The following PTPRM variants were observed in gnomAD, a reference collection of about 807,000 sequenced individuals.
PTPRM encodes the protein protein tyrosine phosphatase receptor type M.
A neutral mutation model predicts 186.7 loss-of-function variants in PTPRM; 47 were observed. The observed-to-expected ratio is 0.25, with a 90% confidence interval of 0.20 to 0.32. PTPRM has a LOEUF of 0.32. Ranked by LOEUF, PTPRM falls within the 10% of genes least tolerant of loss-of-function variation. PTPRM has a pLI of 1.00. For synonymous variants in PTPRM, 668 were observed against 674.9 expected (o/e 0.99, Z 0.16); for missense variants, 1,494 against 1,865.0 (o/e 0.80, Z 3.66).
chr18:8,004,381 A>G (rs1395682196), intron 7 of PTPRM, among the ~76,000 whole-genome samples: 1 of 152,034 alleles, frequency 6.6e-6, no homozygotes, highest in Non-Finnish European at 1.5e-5. Context: ...GCGTAGAAAA[A>G]TTACTCAGGC....
chr18:8,253,045 A>G (rs1167173853), intron 18 of PTPRM, among the ~76,000 whole-genome samples, 182 bp from the exon 19 acceptor site: 3 of 152,200 alleles, frequency 2.0e-5, no homozygotes, highest in African/African-American at 7.2e-5. Context: ...GCGCATTCTT[A>G]TCAGTATTGC....
At chr18:8,030,513 G>A (rs529543027) in intron 7 of PTPRM, among the ~76,000 whole-genome samples, 19 of 152,300 alleles carry the variant, frequency 1.2e-4, no homozygotes, top group African/African-American at 2.2e-4. Flanking sequence ...TTCTTAGTGC[G>A]TGTTCCGATA....
intron 7 of PTPRM, among the ~76,000 whole-genome samples, chr18:8,020,027 C>A (rs1408784439): frequency 2.6e-5 from 4 of 151,872 alleles, no homozygotes; most frequent in African/African-American, 9.7e-5. Flanking sequence ...TTGACACTTA[C>A]AAAGTCTTAT....
At chr18:7,936,748 G>A (rs971668123) in intron 5 of PTPRM, among the ~76,000 whole-genome samples, 7 of 152,124 alleles carry the variant, frequency 4.6e-5, no homozygotes, top group East Asian at 1.9e-4. Context: ...GGAAATTATC[G>A]TGCTTTTTTG....
intron 2 of PTPRM, among the ~76,000 whole-genome samples, chr18:7,804,688 C>G (rs2044147444): frequency 2.0e-5 from 3 of 152,122 alleles, no homozygotes; most frequent in Admixed American, 6.5e-5. Context: ...CATCATTTGC[C>G]TGACTTCGAA....
At chr18:7,853,113 A>G (rs2046944516) in intron 2 of PTPRM, among the ~76,000 whole-genome samples, 1 of 152,208 alleles carries the variant, frequency 6.6e-6, no homozygotes, top group Non-Finnish European at 1.5e-5. Flanking sequence ...TAGTGGTTTG[A>G]CTTCAAAGAA....
At chr18:7,662,132 C>A (rs2038994659) in intron 1 of PTPRM, among the ~76,000 whole-genome samples, 2 of 152,016 alleles carry the variant, frequency 1.3e-5, no homozygotes, top group South Asian at 4.1e-4. Flanking sequence ...GATGAGGTTT[C>A]TTCATGTTGC....
chr18:8,143,520 AG>A, intron 13 of PTPRM, 126 bp from the exon 14 acceptor site: 1 of 973,988 alleles, frequency 1.0e-6, no homozygotes, highest in Non-Finnish European at 1.5e-6. Context: ...AAAAAATCAA[AG>A]CTTGTCTGTC....
intron 7 of PTPRM, among the ~76,000 whole-genome samples, chr18:7,977,329 T>C (rs1295676122): frequency 1.3e-5 from 2 of 152,142 alleles, no homozygotes; most frequent in Non-Finnish European, 1.5e-5. Flanking sequence ...CCTCAGGTGA[T>C]CTGCCTTCCT....
At chr18:8,336,964 A>G (rs1276718949) in intron 22 of PTPRM, among the ~76,000 whole-genome samples, 1 of 152,092 alleles carries the variant, frequency 6.6e-6, no homozygotes, top group Admixed American at 6.5e-5. Flanking sequence ...CAACAGAGCA[A>G]TCGTCAAAAA....
chr18:7,943,617 C>T (rs1240501142), intron 5 of PTPRM, among the ~76,000 whole-genome samples: 1 of 152,134 alleles, frequency 6.6e-6, no homozygotes, highest in Non-Finnish European at 1.5e-5. Context: ...AAGGTGACGG[C>T]AGGGTTGGTT....
intron 17 of PTPRM, 91 bp downstream of exon 17, chr18:8,248,267 A>C: frequency 8.3e-7 from 1 of 1,211,988 alleles, no homozygotes; most frequent in Non-Finnish European, 1.2e-6. Flanking sequence ...TTAATTCTGT[A>C]TAATGCAGTG....
intron 1 of PTPRM, among the ~76,000 whole-genome samples, chr18:7,651,382 G>A (rs1279840191): frequency 6.6e-6 from 1 of 151,966 alleles, no homozygotes; most frequent in Non-Finnish European, 1.5e-5. Context: ...ACAGACTAGG[G>A]GAAAGTGTTC....
intron 14 of PTPRM, among the ~76,000 whole-genome samples, chr18:8,239,152 C>G (rs568496047): frequency 2.7e-5 from 3 of 110,780 alleles, no homozygotes; most frequent in Admixed American, 1.0e-4. Context: ...CCCCTCCCCC[C>G]ACCCCACAAG....
chr18:7,958,284 A>G (rs568769555), intron 7 of PTPRM, among the ~76,000 whole-genome samples: 20 of 151,806 alleles, frequency 1.3e-4, no homozygotes, highest in African/African-American at 4.6e-4. Context: ...GAAGGAGGTG[A>G]TAGCCTTACT....
chr18:7,700,319 TG>T (rs1167203608), intron 1 of PTPRM, among the ~76,000 whole-genome samples: 1 of 151,774 alleles, frequency 6.6e-6, no homozygotes, highest in Non-Finnish European at 1.5e-5. Flanking sequence ...CTTTGTGTGC[TG>T]GGGGGTTTTA....
At chr18:8,343,379 A>G (rs756354214) in intron 22 of PTPRM, 44 bp from the exon 23 acceptor site, 3 of 1,578,584 alleles carry the variant, frequency 1.9e-6, no homozygotes, top group South Asian at 1.1e-5. Flanking sequence ...TTCCAGTTGA[A>G]ACTTACAACA....
chr18:8,004,473 A>G (rs868365434), intron 7 of PTPRM, among the ~76,000 whole-genome samples: 2 of 152,034 alleles, frequency 1.3e-5, no homozygotes, highest in African/African-American at 2.4e-5. Context: ...TTTAAAAAAA[A>G]AAAAAGAAAA....
intron 14 of PTPRM, among the ~76,000 whole-genome samples, chr18:8,171,487 G>A (rs1304751690): frequency 2.0e-5 from 3 of 152,172 alleles, no homozygotes; most frequent in African/African-American, 7.2e-5. Context: ...TAAACAGCTT[G>A]GACCTCTGTG....
Sources: allele counts gnomAD v4.1 joint callset (sites outside exome capture counted in the v4.1 genomes callset), GRCh38; gene constraint gnomAD v4.1.1; transcripts MANE v1.5; gene names NCBI Gene and HGNC (gene_info 2026-07-23, HGNC 2026-07-21).